Variants in COLGALT2 observed in about 807,000 individuals in gnomAD.
COLGALT2 encodes collagen beta(1-O)galactosyltransferase 2.
COLGALT2 carries 49 observed loss-of-function variants against 73.4 expected under a neutral mutation model. That is an observed-to-expected ratio of 0.67 (90% CI 0.53 to 0.85). COLGALT2 has a LOEUF of 0.85. Ranked by LOEUF, COLGALT2 falls within the 40% of genes least tolerant of loss-of-function variation. The pLI is 0.00. For missense variants in COLGALT2, 722 were observed against 790.2 expected, an observed-to-expected ratio of 0.91 and a Z score of 1.03; for synonymous variants, 295 against 307.6, an observed-to-expected ratio of 0.96 and a Z score of 0.43.
At chr1:183,968,628 G>T (rs1051629937) in intron 5 of COLGALT2, among the ~76,000 whole-genome samples, 1 of 151,710 alleles carries the variant, frequency 6.6e-6, no homozygotes, top group Non-Finnish European at 1.5e-5. Flanking sequence ...CTAAGCTCTA[G>T]CTAACAGGAT....
chr1:183,987,371 T>C (rs1479051211), intron 1 of COLGALT2, among the ~76,000 whole-genome samples: 1 of 152,190 alleles, frequency 6.6e-6, no homozygotes, highest in East Asian at 1.9e-4. Flanking sequence ...AGTTACTAGT[T>C]AAATGTAGCA....
At chr1:184,010,502 C>A (rs1672205650) in intron 1 of COLGALT2, among the ~76,000 whole-genome samples, 1 of 152,214 alleles carries the variant, frequency 6.6e-6, no homozygotes, top group African/African-American at 2.4e-5. Context: ...GCTAACTGAA[C>A]TCCAAAGACA....
At chr1:183,947,043 T>C (rs114171884) in intron 8 of COLGALT2, among the ~76,000 whole-genome samples, 286 of 149,668 alleles carry the variant, frequency 1.9e-3, no homozygotes, top group Non-Finnish European at 3.2e-3. Context: ...AAAAAAAAGG[T>C]CAATCCATCA....
At chr1:183,948,895 C>T (rs1448830723) in intron 8 of COLGALT2, among the ~76,000 whole-genome samples, 3 of 152,088 alleles carry the variant, frequency 2.0e-5, no homozygotes, top group Non-Finnish European at 4.4e-5. Context: ...TTGCAGGATA[C>T]AGGATCAATA....
At position 184,037,490 on chromosome 1, in the gene COLGALT2, C is replaced by T. The variant is rs1216536818; in HGVS notation, c.-133G>A. On this transcript the variant is annotated 5_prime_UTR_variant, in exon 1 of 12. Transcript: ENST00000361927. ...GGGGATGCGGCTTGCCGCGGCCGGC[C>T]GGCTCACACACTGGCCTCGGCGGCT... 8.5e-7 allele frequency: 1 copy of T among 1,177,666 alleles called. No homozygotes were observed. The highest frequency in any genetic ancestry group is 1.0e-6 in the Non-Finnish European group (1 of 954,736). The allele number at this position is 1,177,666 out of a possible 1,614,324, so 73.0% of individuals were successfully genotyped here. A position where few individuals can be genotyped will look rare whatever the true frequency, so the allele number is the denominator to read the frequency against.
chr1:183,945,304 G>T (rs1670218926), intron 9 of COLGALT2, 128 bp downstream of exon 9: 1 of 1,128,344 alleles, frequency 8.9e-7, no homozygotes, highest in African/African-American at 1.5e-5. Flanking sequence ...CACAAGGCAG[G>T]AGCAGCTCTC....
chr1:183,966,567 G>A (rs996685908), intron 5 of COLGALT2, among the ~76,000 whole-genome samples: 1 of 152,178 alleles, frequency 6.6e-6, no homozygotes, highest in Non-Finnish European at 1.5e-5. Flanking sequence ...TTAGTCACTA[G>A]GGGATTGCCA....
intron 1 of COLGALT2, among the ~76,000 whole-genome samples, chr1:184,007,169 A>G (rs188930682): frequency 6.6e-6 from 1 of 152,330 alleles, no homozygotes; most frequent in African/African-American, 2.4e-5. Flanking sequence ...CAATGCTGCA[A>G]CCCCAAGCTC....
At chr1:184,031,963 C>T (rs1037552131) in intron 1 of COLGALT2, among the ~76,000 whole-genome samples, 2 of 151,686 alleles carry the variant, frequency 1.3e-5, no homozygotes, top group Non-Finnish European at 2.9e-5. Flanking sequence ...GTGGCTCAAT[C>T]TCGGCTTGCT....
intron 1 of COLGALT2, among the ~76,000 whole-genome samples, chr1:183,982,130 G>A (rs1364315386): frequency 6.6e-6 from 1 of 152,172 alleles, no homozygotes; most frequent in East Asian, 1.9e-4. Context: ...AGGTCTAGGA[G>A]GGAGAACGAC....
At chr1:183,993,033 C>T (rs1043585914) in intron 1 of COLGALT2, among the ~76,000 whole-genome samples, 19 of 152,126 alleles carry the variant, frequency 1.2e-4, no homozygotes, top group African/African-American at 4.3e-4. Flanking sequence ...TAAAGGGTTG[C>T]TAAATGAATA....
chr1:183,966,919 T>C (rs1670891950), intron 5 of COLGALT2, among the ~76,000 whole-genome samples: 1 of 152,172 alleles, frequency 6.6e-6, no homozygotes, highest in Non-Finnish European at 1.5e-5. Context: ...GGGTGAAAGA[T>C]TTAGGACCAA....
intron 5 of COLGALT2, among the ~76,000 whole-genome samples, chr1:183,964,727 T>C (rs1168263275): frequency 1.3e-5 from 2 of 152,192 alleles, no homozygotes; most frequent in Admixed American, 6.5e-5. Flanking sequence ...CCCCACCTGA[T>C]AACTTGCAGA....
downstream of COLGALT2, among the ~76,000 whole-genome samples, chr1:183,935,651 T>A (rs11800373): frequency 0.29 from 43,838 of 151,860 alleles, 6,483 homozygotes; most frequent in East Asian, 0.48. Flanking sequence ...ACAGTACCCA[T>A]CAGTTTAAAA....
At chr1:183,960,285 C>T (rs1243157464) in intron 6 of COLGALT2, among the ~76,000 whole-genome samples, 1 of 152,200 alleles carries the variant, frequency 6.6e-6, no homozygotes, top group Non-Finnish European at 1.5e-5. Flanking sequence ...CATGAGAATA[C>T]TTCGTCTTTT....
At position 184,037,478 on chromosome 1, in the gene COLGALT2, G is replaced by C; in HGVS notation, c.-121C>G. ...GAGGGGCGGCCGGGGGATGCGGCTT[G>C]CCGCGGCCGGCCGGCTCACACACTG... On this transcript the variant is annotated 5_prime_UTR_variant, in exon 1 of 12. Transcript: ENST00000361927. 1.7e-6 allele frequency: 2 copies of C among 1,183,480 alleles called. No individual in the cohort carries two copies. The highest frequency in any genetic ancestry group is 2.1e-6 in the Non-Finnish European group (2 of 958,578). The allele number at this position is 1,183,480 out of a possible 1,614,324, so 73.3% of individuals were successfully genotyped here.
chr1:184,016,314 T>C (rs1648998280), intron 1 of COLGALT2, among the ~76,000 whole-genome samples: 1 of 152,236 alleles, frequency 6.6e-6, no homozygotes, highest in African/African-American at 2.4e-5. Flanking sequence ...TATGGAATGT[T>C]TGCAAAGCAT....
chr1:183,989,392 G>A (rs1264693236), intron 1 of COLGALT2, among the ~76,000 whole-genome samples: 2 of 152,196 alleles, frequency 1.3e-5, no homozygotes, highest in Non-Finnish European at 2.9e-5. Flanking sequence ...AGGTCATGGG[G>A]GAACTGGAGC....
intron 10 of COLGALT2, among the ~76,000 whole-genome samples, chr1:183,941,676 A>G (rs961732399): frequency 5.3e-5 from 8 of 152,310 alleles, no homozygotes; most frequent in African/African-American, 1.9e-4. Context: ...GCATCCCAGG[A>G]TTTGTAGAAC....
Sources: gnomAD v4.1 joint callset for allele counts (sites outside exome capture counted in the v4.1 genomes callset) on GRCh38, gnomAD v4.1.1 for gene constraint, MANE v1.5 for transcripts, NCBI Gene and HGNC (gene_info 2026-07-23, HGNC 2026-07-21) for gene names.